The following MIPOL1 variants were observed in gnomAD, a reference collection of about 807,000 sequenced individuals.
The protein encoded by MIPOL1 is mirror-image polydactyly 1, also known as mirror-image polydactyly gene 1 protein.
MIPOL1 carries 57 observed loss-of-function variants against 60.9 expected under a neutral mutation model. The ratio of observed to expected loss-of-function variants is 0.94; its 90% confidence interval spans 0.76 to 1.17. The LOEUF (loss-of-function observed/expected upper bound fraction) is 1.17. Ranked by LOEUF, MIPOL1 falls within the 50% of genes most tolerant of loss-of-function variation. The pLI is 0.00. For synonymous variants in MIPOL1, 179 were observed against 168.8 expected (o/e 1.06, Z -0.47); for missense variants, 551 against 511.6 (o/e 1.08, Z -0.74).
intron 1 of MIPOL1, among the ~76,000 whole-genome samples, chr14:37,223,787 C>T (rs1455115394): frequency 1.3e-5 from 2 of 152,168 alleles, no homozygotes; most frequent in Non-Finnish European, 2.9e-5. Flanking sequence ...AGGCGTGAGC[C>T]GCCCTGCCTG....
At chr14:37,233,734 G>T (rs2153322097) in intron 1 of MIPOL1, among the ~76,000 whole-genome samples, 1 of 152,280 alleles carries the variant, frequency 6.6e-6, no homozygotes, top group South Asian at 2.1e-4. Context: ...CATTGCTGTG[G>T]GGGAGGAGGC....
chr14:37,315,426 T>C (rs1035709589), intron 9 of MIPOL1, among the ~76,000 whole-genome samples: 1 of 152,130 alleles, frequency 6.6e-6, no homozygotes, highest in Admixed American at 6.5e-5. Flanking sequence ...TGCATCTAAA[T>C]GCAGAAGGGA....
At chr14:37,369,154 G>A (rs2092566939) in intron 9 of MIPOL1, among the ~76,000 whole-genome samples, 1 of 151,682 alleles carries the variant, frequency 6.6e-6, no homozygotes, top group Non-Finnish European at 1.5e-5. Context: ...AGTTTGTTTA[G>A]AATCCAATAT....
intron 7 of MIPOL1, among the ~76,000 whole-genome samples, chr14:37,296,671 A>G (rs1469528383): frequency 1.3e-5 from 2 of 152,322 alleles, no homozygotes; most frequent in East Asian, 3.9e-4. Context: ...AAAATACTAT[A>G]AACACCTCTA....
At chr14:37,327,425 C>T (rs915850375) in intron 9 of MIPOL1, among the ~76,000 whole-genome samples, 8 of 152,058 alleles carry the variant, frequency 5.3e-5, no homozygotes, top group Non-Finnish European at 1.0e-4. Flanking sequence ...GTAGCTAGGA[C>T]TACAGGTGCA....
At chr14:37,525,728 C>T (rs937667859) in intron 12 of MIPOL1, among the ~76,000 whole-genome samples, 1 of 152,142 alleles carries the variant, frequency 6.6e-6, no homozygotes, top group Non-Finnish European at 1.5e-5. Context: ...GGTTTTGCTG[C>T]AACAGGAGTG....
At chr14:37,397,441 A>T (rs2093395643) in intron 10 of MIPOL1, among the ~76,000 whole-genome samples, 1 of 151,998 alleles carries the variant, frequency 6.6e-6, no homozygotes, top group South Asian at 2.1e-4. Flanking sequence ...TTGGTGGTTT[A>T]ATGTTCTATT....
chr14:37,293,067 G>C (rs903322421), intron 7 of MIPOL1, among the ~76,000 whole-genome samples: 1 of 152,128 alleles, frequency 6.6e-6, no homozygotes, highest in Non-Finnish European at 1.5e-5. Context: ...CAGTATTGTA[G>C]TAAAACATAG....
At chr14:37,234,544 A>T (rs1269005884) in intron 1 of MIPOL1, among the ~76,000 whole-genome samples, 1 of 151,708 alleles carries the variant, frequency 6.6e-6, no homozygotes, top group Non-Finnish European at 1.5e-5. Context: ...TATGTTACCC[A>T]GGCAGCTCTT....
At chr14:37,328,472 G>A (rs964584934) in intron 9 of MIPOL1, among the ~76,000 whole-genome samples, 5 of 151,726 alleles carry the variant, frequency 3.3e-5, no homozygotes, top group Non-Finnish European at 5.9e-5. Context: ...TTTATTATAT[G>A]TTACTACTTT....
intron 10 of MIPOL1, among the ~76,000 whole-genome samples, chr14:37,391,401 C>T (rs200300074): frequency 2.1e-5 from 3 of 145,228 alleles, no homozygotes; most frequent in African/African-American, 5.1e-5. Flanking sequence ...GAAGCCTAAT[C>T]TTTTTTTTTT....
intron 10 of MIPOL1, among the ~76,000 whole-genome samples, chr14:37,390,224 AAAAAAAC>A (rs1395542237): frequency 2.0e-5 from 3 of 152,104 alleles, no homozygotes; most frequent in African/African-American, 7.2e-5. Flanking sequence ...CTTCTCAAGA[AAAAAAAC>A]AAAAAACAAA....
intron 1 of MIPOL1, among the ~76,000 whole-genome samples, chr14:37,240,940 T>TACACACACACAC (rs10554089): frequency 1.4e-5 from 2 of 145,990 alleles, no homozygotes; most frequent in Non-Finnish European, 3.1e-5. Context: ...CACACACACA[T>TACACACACACAC]ACACACACAC....
chr14:37,505,310 AT>A (rs1444511721), intron 12 of MIPOL1: 3 of 152,276 alleles, frequency 2.0e-5, no homozygotes, highest in Non-Finnish European at 4.4e-5. Flanking sequence ...AAAAAAGATA[AT>A]TTTAGACCAA....
At chr14:37,221,979 A>AC (rs1968849125) in intron 1 of MIPOL1, among the ~76,000 whole-genome samples, 4 of 144,224 alleles carry the variant, frequency 2.8e-5, no homozygotes, top group Non-Finnish European at 5.9e-5. Context: ...AATCAAATAG[A>AC]AAAATAAATA....
chr14:37,345,787 C>A (rs1018510925), intron 9 of MIPOL1, among the ~76,000 whole-genome samples: 2 of 152,064 alleles, frequency 1.3e-5, no homozygotes, highest in African/African-American at 2.4e-5. Context: ...CATAAACACT[C>A]GTATTTTTTA....
chr14:37,460,879 C>G (rs1192199048), intron 11 of MIPOL1, among the ~76,000 whole-genome samples: 3 of 152,100 alleles, frequency 2.0e-5, no homozygotes, highest in Non-Finnish European at 4.4e-5. Context: ...GAAAAACATG[C>G]CATGTTCATG....
At chr14:37,439,698 C>T (rs1224715464) in intron 11 of MIPOL1, among the ~76,000 whole-genome samples, 1 of 152,086 alleles carries the variant, frequency 6.6e-6, no homozygotes. Flanking sequence ...TGCACATACC[C>T]CCACTCTCTG....
intron 9 of MIPOL1, among the ~76,000 whole-genome samples, chr14:37,340,025 A>C (rs2090452108): frequency 1.3e-5 from 2 of 152,228 alleles, no homozygotes; most frequent in Non-Finnish European, 2.9e-5. Flanking sequence ...AATTTGGCTT[A>C]TAAGGTATGG....
Sources: gnomAD v4.1 joint callset for allele counts (sites outside exome capture counted in the v4.1 genomes callset) on GRCh38, gnomAD v4.1.1 for gene constraint, MANE v1.5 for transcripts, NCBI Gene and HGNC (gene_info 2026-07-23, HGNC 2026-07-21) for gene names.